Variants in AK5 observed in about 807,000 individuals in gnomAD.
AK5 encodes the protein adenylate kinase isoenzyme 5.
Under a neutral mutation model 69.5 loss-of-function variants are expected in AK5, and 27 were observed. The ratio of observed to expected loss-of-function variants is 0.39; its 90% CI spans 0.29 to 0.54. The LOEUF (loss-of-function observed/expected upper bound fraction) is 0.54. Ranked by LOEUF, AK5 falls within the 20% of genes least tolerant of loss-of-function variation. The pLI, the probability that AK5 is intolerant of heterozygous loss-of-function variation, is 0.71. For missense variants in AK5, 531 were observed against 700.4 expected (o/e 0.76, Z 2.73); for synonymous variants, 260 against 244.4 (o/e 1.06, Z -0.60).
At chr1:77,321,728 C>T (rs867968411) in intron 5 of AK5, among the ~76,000 whole-genome samples, 3 of 152,026 alleles carry the variant, frequency 2.0e-5, no homozygotes, top group African/African-American at 4.8e-5. Context: ...TTCTATTTAA[C>T]GTTGTTAAAT....
intron 6 of AK5, among the ~76,000 whole-genome samples, chr1:77,343,775 T>C (rs17100377): frequency 0.018 from 2,787 of 152,322 alleles, 83 homozygotes; most frequent in African/African-American, 0.063. Flanking sequence ...TTGATATTAT[T>C]GTACAGTTTT....
intron 5 of AK5, among the ~76,000 whole-genome samples, chr1:77,333,840 T>C (rs978153881): frequency 6.6e-6 from 1 of 152,220 alleles, no homozygotes; most frequent in African/African-American, 2.4e-5. Context: ...AACTAACTTA[T>C]TAATGTCTCA....
At chr1:77,335,322 A>T (rs1661290215) in intron 5 of AK5, among the ~76,000 whole-genome samples, 1 of 152,196 alleles carries the variant, frequency 6.6e-6, no homozygotes, top group Non-Finnish European at 1.5e-5. Flanking sequence ...CGCAGGAGAA[A>T]CAATATCAAT....
chr1:77,467,168 A>G (rs1400453061), intron 8 of AK5, among the ~76,000 whole-genome samples: 1 of 152,202 alleles, frequency 6.6e-6, no homozygotes, highest in Non-Finnish European at 1.5e-5. Context: ...AAATGCATGG[A>G]GTCTTTGGAG....
At chr1:77,353,345 T>G (rs1290044104) in intron 6 of AK5, among the ~76,000 whole-genome samples, 3 of 151,960 alleles carry the variant, frequency 2.0e-5, no homozygotes, top group Non-Finnish European at 2.9e-5. Context: ...AGGCATGGTG[T>G]TCCATGCCTG....
chr1:77,328,283 G>A (rs1050709626), intron 5 of AK5, among the ~76,000 whole-genome samples: 9 of 152,066 alleles, frequency 5.9e-5, no homozygotes, highest in African/African-American at 9.7e-5. Flanking sequence ...GGCAGATCAC[G>A]AGGTCAGGAG....
chr1:77,459,147 A>C (rs544647247), intron 8 of AK5, among the ~76,000 whole-genome samples: 2 of 152,190 alleles, frequency 1.3e-5, no homozygotes, highest in South Asian at 4.2e-4. Flanking sequence ...TCCACATCAC[A>C]CTTCCACACT....
intron 10 of AK5, among the ~76,000 whole-genome samples, chr1:77,502,736 A>AACTAT (rs1656794996): frequency 6.6e-6 from 1 of 152,210 alleles, no homozygotes; most frequent in Admixed American, 6.5e-5. Flanking sequence ...GCAGCAGCAG[A>AACTAT]GTTTAGCTGC....
chr1:77,344,031 G>A (rs887811630), intron 6 of AK5, among the ~76,000 whole-genome samples: 7 of 152,194 alleles, frequency 4.6e-5, no homozygotes, highest in Non-Finnish European at 7.3e-5. Flanking sequence ...TATTGTCCGT[G>A]TAATCAAGCT....
intron 6 of AK5, among the ~76,000 whole-genome samples, chr1:77,410,750 C>CT (rs138731360): frequency 6.6e-6 from 1 of 152,060 alleles, no homozygotes; most frequent in East Asian, 1.9e-4. Flanking sequence ...AAATATTACA[C>CT]TTTTTTTTAA....
intron 6 of AK5, among the ~76,000 whole-genome samples, chr1:77,382,194 A>T (rs948844727): frequency 6.7e-6 from 1 of 150,190 alleles, no homozygotes; most frequent in Non-Finnish European, 1.5e-5. Flanking sequence ...ATCCTTTTAC[A>T]CTTTCTCGTA....
intron 5 of AK5, among the ~76,000 whole-genome samples, chr1:77,304,676 A>T (rs565927538): frequency 6.6e-6 from 1 of 152,278 alleles, no homozygotes; most frequent in African/African-American, 2.4e-5. Context: ...AAGTGCTGGG[A>T]TTACAGGCAT....
At chr1:77,495,298 A>G (rs78859277) in intron 10 of AK5, among the ~76,000 whole-genome samples, 76 of 152,380 alleles carry the variant, frequency 5.0e-4, no homozygotes, top group African/African-American at 1.8e-3. Context: ...CAAGGAAACC[A>G]AAATGTAGGT....
rs182073595 is a variant in AK5, at chr1:77,509,841, A to G, written c.1148-8723A>G. On this transcript the variant is annotated intron_variant, in intron 10 of 13. Coordinates refer to ENST00000354567, the MANE Select transcript of AK5 (RefSeq NM_174858.3). ...GTTAGAAAGAGTTAGAAAGACTTTT[A>G]AACATCACCAACAGTAGCTGCCTCA... Among the ~76,000 whole-genome samples the G allele has an allele frequency of 2.3e-3, 349 of 152,328 alleles. 3 individuals carry two copies. The highest frequency in any genetic ancestry group is 7.6e-4 in the Non-Finnish European group (52 of 68,024).
intron 8 of AK5, among the ~76,000 whole-genome samples, chr1:77,426,960 T>G (rs1363377763): frequency 1.3e-5 from 2 of 152,124 alleles, no homozygotes; most frequent in Non-Finnish European, 2.9e-5. Flanking sequence ...TTAACAAAAT[T>G]TGTGAGATGC....
chr1:77,383,951 A>G (rs1320314029), intron 6 of AK5, among the ~76,000 whole-genome samples: 1 of 152,108 alleles, frequency 6.6e-6, no homozygotes, highest in Non-Finnish European at 1.5e-5. Flanking sequence ...CAAATAGAAA[A>G]AGGGTGGATG....
At chr1:77,485,114 T>C (rs1003346885) in intron 9 of AK5, among the ~76,000 whole-genome samples, 1 of 152,242 alleles carries the variant, frequency 6.6e-6, no homozygotes, top group African/African-American at 2.4e-5. Flanking sequence ...AACACCAGTG[T>C]ATCTGCCTTT....
chr1:77,318,252 G>A lies in AK5; in HGVS notation c.699+20305G>A, dbSNP rs192243750. Among the ~76,000 whole-genome samples the A allele has an allele frequency of 3.0e-3, 464 of 152,220 alleles. 5 individuals are homozygous for A. The highest frequency in any genetic ancestry group is 5.1e-3 in the Non-Finnish European group (347 of 68,010). On this transcript the variant is annotated intron_variant, in intron 5 of 13. Coordinates refer to ENST00000354567, the MANE Select transcript of AK5 (RefSeq NM_174858.3). The stretch of plus-strand genomic sequence containing the variant: ...ATGGCACTTCACATGGCTGGAGCAG[G>A]AGGAAGAAAGAGAGGCGGGGAGATG...
At chr1:77,320,151 A>G (rs1307372991) in intron 5 of AK5, among the ~76,000 whole-genome samples, 2 of 152,140 alleles carry the variant, frequency 1.3e-5, no homozygotes, top group African/African-American at 4.8e-5. Flanking sequence ...AAAGTGGGGA[A>G]AGCCCCTTAG....
Sources: gnomAD v4.1 joint callset for allele counts (sites outside exome capture counted in the v4.1 genomes callset) on GRCh38, gnomAD v4.1.1 for gene constraint, MANE v1.5 for transcripts, NCBI Gene and HGNC (gene_info 2026-07-23, HGNC 2026-07-21) for gene names.